The following ADAMTSL1 variants were observed in gnomAD, a reference collection of about 807,000 sequenced individuals.
ADAMTSL1 encodes the protein ADAMTS like 1.
In ADAMTSL1, 126 loss-of-function variants were observed where a neutral mutation model predicts 201.8. That is an observed-to-expected ratio of 0.62 (90% CI 0.54 to 0.72). ADAMTSL1 has a LOEUF of 0.72. Ranked by LOEUF, ADAMTSL1 falls within the 30% of genes least tolerant of loss-of-function variation. ADAMTSL1 has a pLI of 0.00. For missense variants in ADAMTSL1, 2,679 were observed against 2,277.8 expected (o/e 1.18, Z -3.59); for synonymous variants, 1,121 against 903.4 (o/e 1.24, Z -4.32).
At chr9:18,345,799 C>T (rs994489152) in intron 2 of ADAMTSL1, among the ~76,000 whole-genome samples, 3 of 152,024 alleles carry the variant, frequency 2.0e-5, no homozygotes, top group Admixed American at 6.6e-5. Flanking sequence ...AGCTCACATG[C>T]CATTGGCACA....
intron 2 of ADAMTSL1, among the ~76,000 whole-genome samples, chr9:18,423,147 C>T (rs946228372): frequency 6.6e-6 from 1 of 152,146 alleles, no homozygotes; most frequent in Non-Finnish European, 1.5e-5. Flanking sequence ...CAAGGGATTA[C>T]TTGTGTAGGA....
chr9:18,781,518 G>A (rs1821395069), intron 19 of ADAMTSL1, among the ~76,000 whole-genome samples: 1 of 152,214 alleles, frequency 6.6e-6, no homozygotes, highest in African/African-American at 2.4e-5. Context: ...AAGAGTGAAT[G>A]TATCTGCACA....
intron 23 of ADAMTSL1, among the ~76,000 whole-genome samples, chr9:18,880,473 A>T (rs6475267): frequency 0.021 from 3,128 of 152,326 alleles, 112 homozygotes; most frequent in African/African-American, 0.071. Context: ...CTCCTTATAC[A>T]TCTCCATCAG....
intron 1 of ADAMTSL1, among the ~76,000 whole-genome samples, chr9:18,074,264 A>G (rs538950890): frequency 3.4e-4 from 52 of 152,254 alleles, no homozygotes; most frequent in Non-Finnish European, 6.2e-4. Context: ...TTTTCTTTCA[A>G]AAAACTATGA....
chr9:18,535,634 GGGTAATTTGGA>G (rs1819720524), intron 3 of ADAMTSL1, among the ~76,000 whole-genome samples: 1 of 152,138 alleles, frequency 6.6e-6, no homozygotes, highest in Non-Finnish European at 1.5e-5. Context: ...ATGCAACACT[GGGTAATTTGGA>G]AAAAAGAGAT....
chr9:18,732,895 T>C (rs917230963), intron 15 of ADAMTSL1, among the ~76,000 whole-genome samples: 1 of 152,216 alleles, frequency 6.6e-6, no homozygotes, highest in African/African-American at 2.4e-5. Flanking sequence ...ACAGTGCCCA[T>C]CACTTTATAT....
chr9:18,548,181 T>TG (rs1358849512), intron 3 of ADAMTSL1, among the ~76,000 whole-genome samples: 1 of 152,042 alleles, frequency 6.6e-6, no homozygotes, highest in East Asian at 1.9e-4. Flanking sequence ...TGGTCATTCA[T>TG]GGGCATGTGA....
chr9:18,513,268 A>G (rs1007181176), intron 2 of ADAMTSL1, among the ~76,000 whole-genome samples: 14 of 151,594 alleles, frequency 9.2e-5, no homozygotes, highest in African/African-American at 3.4e-4. Context: ...GCCATCTTGC[A>G]TCACTGAAAC....
At chr9:18,799,450 C>T (rs986605384) in intron 20 of ADAMTSL1, among the ~76,000 whole-genome samples, 1 of 152,148 alleles carries the variant, frequency 6.6e-6, no homozygotes, top group East Asian at 1.9e-4. Context: ...AGGTAAATTG[C>T]TTCAGTCTGG....
chr9:18,528,306 G>C (rs1400137998), intron 2 of ADAMTSL1, among the ~76,000 whole-genome samples: 2 of 152,068 alleles, frequency 1.3e-5, no homozygotes, highest in Non-Finnish European at 2.9e-5. Flanking sequence ...CCTAGGTATT[G>C]AGCCCAGCAT....
intron 2 of ADAMTSL1, among the ~76,000 whole-genome samples, chr9:18,165,449 A>G (rs1827589478): frequency 6.6e-6 from 1 of 151,966 alleles, no homozygotes; most frequent in East Asian, 1.9e-4. Context: ...AGGGTGTCAT[A>G]AACATTATTA....
rs866330557 is a variant in ADAMTSL1 at position 18,742,488 on chromosome 9, T to C, written c.2007-10810T>C. Among the ~76,000 whole-genome samples, 6 of 152,298 alleles carry C rather than the reference T, an allele frequency of 3.9e-5. No homozygotes were observed. The Middle Eastern group carries it at 0.01, about 261-fold the overall frequency. On this transcript the variant is annotated intron_variant, in intron 15 of 28. Coordinates refer to ENST00000380548, the MANE Select transcript of ADAMTSL1 (RefSeq NM_001040272.6). The stretch of plus-strand genomic sequence containing the variant: ...TATAGCAGTTTACTTAGAATAGCTG[T>C]GTAGTAAGTATTGCAGAATGTAAAT...
intron 2 of ADAMTSL1, among the ~76,000 whole-genome samples, chr9:18,438,223 T>C (rs1371177213): frequency 7.8e-6 from 1 of 128,436 alleles, no homozygotes; most frequent in Non-Finnish European, 1.7e-5. Context: ...GGGGGAGAGA[T>C]GGAGAAAAAA....
At chr9:18,456,030 G>T (rs752003546) in intron 2 of ADAMTSL1, among the ~76,000 whole-genome samples, 1 of 151,948 alleles carries the variant, frequency 6.6e-6, no homozygotes, top group South Asian at 2.1e-4. Flanking sequence ...GTTAGTCACC[G>T]TTACCTTTCA....
intron 1 of ADAMTSL1, among the ~76,000 whole-genome samples, chr9:18,479,440 T>C (rs1430236484): frequency 6.6e-6 from 1 of 152,236 alleles, no homozygotes; most frequent in African/African-American, 2.4e-5. Flanking sequence ...CATGAAGTAA[T>C]TGTAACCTTT....
At chr9:18,010,715 C>T (rs923145925) in intron 1 of ADAMTSL1, among the ~76,000 whole-genome samples, 2 of 151,966 alleles carry the variant, frequency 1.3e-5, no homozygotes, top group Non-Finnish European at 2.9e-5. Flanking sequence ...GACATGCAGG[C>T]CTAGATTTGT....
intron 2 of ADAMTSL1, among the ~76,000 whole-genome samples, chr9:18,271,414 G>T (rs1208494422): frequency 1.3e-5 from 2 of 152,042 alleles, no homozygotes; most frequent in African/African-American, 4.8e-5. Context: ...CTATGAGTGA[G>T]AACATGCAGT....
intron 2 of ADAMTSL1, among the ~76,000 whole-genome samples, chr9:18,518,294 C>T (rs908120780): frequency 3.3e-5 from 5 of 152,136 alleles, no homozygotes; most frequent in Non-Finnish European, 5.9e-5. Flanking sequence ...CACCCCGCCC[C>T]CCAACCCAGC....
chr9:18,644,824 T>G (rs1184290186), intron 7 of ADAMTSL1, among the ~76,000 whole-genome samples: 1 of 152,110 alleles, frequency 6.6e-6, no homozygotes, highest in Non-Finnish European at 1.5e-5. Flanking sequence ...TCTTTGTTAT[T>G]GTGAATAGTG....
Sources: allele counts gnomAD v4.1 joint callset (sites outside exome capture counted in the v4.1 genomes callset), GRCh38; gene constraint gnomAD v4.1.1; transcripts MANE v1.5; gene names NCBI Gene and HGNC (gene_info 2026-07-23, HGNC 2026-07-21).